The following GUCY1A2 variants were observed in gnomAD, a reference collection of about 807,000 sequenced individuals.
The protein encoded by GUCY1A2 is guanylate cyclase 1 soluble subunit alpha 2, also known as guanylate cyclase soluble subunit alpha-2.
GUCY1A2 carries 27 observed loss-of-function variants against 63.5 expected under a neutral mutation model. The observed-to-expected ratio is 0.43, with a 90% CI of 0.31 to 0.59. GUCY1A2 has a LOEUF of 0.59. Among genes scored for constraint, GUCY1A2 ranks in the 20% least tolerant of loss-of-function variants. The probability of loss-of-function intolerance (pLI) is 0.11; values close to 1 mark genes in which losing one functional copy is unlikely to be tolerated. For synonymous variants in GUCY1A2, 364 were observed against 343.5 expected, an observed-to-expected ratio of 1.06 and a Z score of -0.66; for missense variants, 768 against 913.3, an observed-to-expected ratio of 0.84 and a Z score of 2.05.
chr11:106,845,160 A>T (rs1447138371), intron 4 of GUCY1A2, among the ~76,000 whole-genome samples: 1 of 151,634 alleles, frequency 6.6e-6, no homozygotes, highest in East Asian at 1.9e-4. Context: ...AAAAATTATC[A>T]ATGTCCAGAG....
At chr11:106,943,517 C>T (rs146432263) in intron 3 of GUCY1A2, among the ~76,000 whole-genome samples, 95 of 152,292 alleles carry the variant, frequency 6.2e-4, no homozygotes, top group African/African-American at 2.1e-3. Context: ...ACGATCTGTT[C>T]CTTCATGATC....
intron 3 of GUCY1A2, among the ~76,000 whole-genome samples, chr11:106,974,224 A>G (rs1246823981): frequency 6.6e-6 from 1 of 152,152 alleles, no homozygotes; most frequent in East Asian, 1.9e-4. Context: ...AACAAGAACT[A>G]TAATGGCAGA....
chr11:106,970,591 T>C (rs1411520299), intron 3 of GUCY1A2, among the ~76,000 whole-genome samples: 19 of 152,150 alleles, frequency 1.2e-4, no homozygotes, highest in Non-Finnish European at 2.5e-4. Context: ...TACCAATTTC[T>C]GGAAAGGATG....
At chr11:106,787,572 C>G (rs10890585) in intron 5 of GUCY1A2, among the ~76,000 whole-genome samples, 4 of 44,030 alleles carry the variant, frequency 9.1e-5, no homozygotes, top group African/African-American at 1.0e-4. Flanking sequence ...GAGACAGAGA[C>G]AGAAGGAAAG....
rs1862323849 is a variant in GUCY1A2 at position 106,675,153 on chromosome 11, A to T, written c.*12396T>A. The T allele has an allele frequency of 4.7e-6, 1 of 212,120 alleles. No individual in the cohort carries two copies. The highest frequency in any genetic ancestry group is 9.6e-6 in the Non-Finnish European group (1 of 104,682). 13.1% of individuals were successfully genotyped at this position (212,120 alleles called of 1,614,324 possible). A position where few individuals can be genotyped will look rare whatever the true frequency, so the allele number is the denominator to read the frequency against. On this transcript the variant is annotated 3_prime_UTR_variant, in exon 8 of 8. Transcript: ENST00000526355. ...TATGTATTATTTCTGGAATGCACTT[A>T]ATCAGTATTTTAAAAGCATAATGAG...
At chr11:106,965,530 T>C (rs1437904561) in intron 3 of GUCY1A2, among the ~76,000 whole-genome samples, 1 of 152,194 alleles carries the variant, frequency 6.6e-6, no homozygotes, top group Admixed American at 6.5e-5. Flanking sequence ...TTTGTGGATT[T>C]TACTTCCACT....
At chr11:106,690,975 A>G (rs900396289) in intron 7 of GUCY1A2, among the ~76,000 whole-genome samples, 3 of 152,226 alleles carry the variant, frequency 2.0e-5, no homozygotes, top group Non-Finnish European at 4.4e-5. Flanking sequence ...ACAAATGTCA[A>G]TTTTCTTTAC....
At chr11:107,002,388 GGTGTGTGT>G (rs71044205) in intron 1 of GUCY1A2, among the ~76,000 whole-genome samples, 18 of 149,132 alleles carry the variant, frequency 1.2e-4, no homozygotes, top group African/African-American at 3.9e-4. Context: ...AATAAGAACA[GGTGTGTGT>G]GTGTGTGTGT....
At chr11:106,844,651 A>C (rs1295865391) in intron 4 of GUCY1A2, among the ~76,000 whole-genome samples, 1 of 151,808 alleles carries the variant, frequency 6.6e-6, no homozygotes, top group Admixed American at 6.6e-5. Flanking sequence ...CTGTGGTCAA[A>C]GCAGAAACAT....
At chr11:106,987,557 C>A (rs188193694) in intron 1 of GUCY1A2, among the ~76,000 whole-genome samples, 1 of 150,384 alleles carries the variant, frequency 6.6e-6, no homozygotes, top group African/African-American at 2.4e-5. Context: ...GAGGCTGAGG[C>A]ATAAGAATTG....
rs564726543 is a variant in GUCY1A2, at chr11:106,865,794, T to TATA, written c.1207-55319_1207-55317dup. On this transcript the variant is annotated intron_variant, in intron 4 of 7. Transcript: ENST00000526355. ...TGCATATGCATCCCAGAACTTAAAG[T>TATA]ATAATAATAATAATAATAAAAAGAA... Among the ~76,000 whole-genome samples, 1,115 of 151,164 alleles carry TATA rather than the reference T, an allele frequency of 7.4e-3. 9 individuals are homozygous for TATA. The highest frequency in any genetic ancestry group is 0.026 in the African/African-American group (1,057 of 41,258).
At position 106,679,780 on chromosome 11, in the gene GUCY1A2, T is replaced by G; in HGVS notation, c.*7769A>C. The stretch of plus-strand genomic sequence containing the variant: ...GCCTTCTTTGTTCCTTCAACCCAGA[T>G]GTTCTGACACTTTCATTTACCTTAA... On this transcript the variant is annotated 3_prime_UTR_variant, in exon 8 of 8. Transcript: ENST00000526355. The G allele has an allele frequency of 4.6e-6, 1 of 218,460 alleles. No homozygotes were observed. Among genetic ancestry groups the G allele is most frequent in the East Asian group, 6.7e-5 (1 of 14,948 alleles). The allele number at this position is 218,460 out of a possible 1,614,324, so 13.5% of individuals were successfully genotyped here. A position where few individuals can be genotyped will look rare whatever the true frequency, so the allele number is the denominator to read the frequency against.
At chr11:106,806,906 T>G (rs61905199) in intron 5 of GUCY1A2, among the ~76,000 whole-genome samples, 3,490 of 152,314 alleles carry the variant, frequency 0.023, 64 homozygotes, top group Middle Eastern at 0.068. Flanking sequence ...TTATAATTCT[T>G]CACTCTATCA....
At chr11:106,890,898 T>C (rs555711850) in intron 4 of GUCY1A2, among the ~76,000 whole-genome samples, 2 of 152,320 alleles carry the variant, frequency 1.3e-5, no homozygotes, top group South Asian at 4.1e-4. Flanking sequence ...AATTGGGTGG[T>C]TTCCTGGTTT....
intron 6 of GUCY1A2, among the ~76,000 whole-genome samples, chr11:106,710,070 AAT>A (rs1171730739): frequency 5.2e-5 from 6 of 114,922 alleles, no homozygotes; most frequent in Non-Finnish European, 8.4e-5. Context: ...ACATGTATAT[AAT>A]ATATAGTTAT....
At chr11:106,949,777 A>G (rs780143602) in intron 3 of GUCY1A2, among the ~76,000 whole-genome samples, 1 of 152,218 alleles carries the variant, frequency 6.6e-6, no homozygotes, top group Non-Finnish European at 1.5e-5. Flanking sequence ...AGAAACATAT[A>G]TGCTAAGGTC....
At chr11:106,689,079 G>A (rs77618991) in intron 7 of GUCY1A2, among the ~76,000 whole-genome samples, 1,648 of 152,178 alleles carry the variant, frequency 0.011, 29 homozygotes, top group African/African-American at 0.037. Context: ...GAGGCAGGTC[G>A]GGGCAAAAGA....
intron 6 of GUCY1A2, 96 bp from the exon 7 acceptor site, chr11:106,708,762 TA>T (rs771567882): frequency 8.2e-5 from 59 of 719,182 alleles, no homozygotes; most frequent in Admixed American, 1.5e-4. Context: ...ATAATAATAA[TA>T]AAAAAAAACT....
intron 6 of GUCY1A2, among the ~76,000 whole-genome samples, chr11:106,712,298 A>ATT (rs1391481069): frequency 1.3e-5 from 2 of 152,166 alleles, no homozygotes; most frequent in Non-Finnish European, 2.9e-5. Flanking sequence ...TATTAATCAC[A>ATT]TTCAACATAT....
Sources: allele counts gnomAD v4.1 joint callset (sites outside exome capture counted in the v4.1 genomes callset), GRCh38; gene constraint gnomAD v4.1.1; transcripts MANE v1.5; gene names NCBI Gene and HGNC (gene_info 2026-07-23, HGNC 2026-07-21).